Variants in VAV2 observed in about 807,000 individuals in gnomAD.
The protein encoded by VAV2 is guanine nucleotide exchange factor VAV2.
Under a neutral mutation model 132.5 loss-of-function variants are expected in VAV2, and 67 were observed. The ratio of observed to expected loss-of-function variants is 0.51; its 90% CI spans 0.42 to 0.62. VAV2 has a LOEUF of 0.62. Among genes scored for constraint, VAV2 ranks in the 20% least tolerant of loss-of-function variants. The pLI, the probability that VAV2 is intolerant of heterozygous loss-of-function variation, is 0.00. For missense variants in VAV2, 938 were observed against 1,153.6 expected (o/e 0.81, Z 2.71); for synonymous variants, 492 against 443.5 (o/e 1.11, Z -1.37).
At position 133,788,236 on chromosome 9, in the gene VAV2, ACCCGGCCAGCATCAGCGGCTG is replaced by A; in HGVS notation, c.1407+97_1407+117del. ...AGAGCGGAGACGCCCACCCCAACCC[ACCCGGCCAGCATCAGCGGCTG>A]ACTTCGAGTCCCCTTCCCCTGGGGT... is the stretch of plus-strand genomic sequence containing the variant. On this transcript the variant is annotated intron_variant, in intron 15 of 29. Coordinates refer to ENST00000371850, the MANE Select transcript of VAV2 (RefSeq NM_001134398.2). This position sits in a 1 kb window ranked among gnomAD's most constrained non-coding sequence, Gnocchi z 5.3. The A allele has an allele frequency of 2.4e-6, 1 of 422,432 alleles. No homozygotes were observed. The highest frequency in any genetic ancestry group is 4.6e-6 in the Non-Finnish European group (1 of 218,332). 26.2% of individuals were successfully genotyped at this position (422,432 alleles called of 1,614,324 possible).
At chr9:133,882,612 C>A (rs1230934667) in intron 2 of VAV2, among the ~76,000 whole-genome samples, 1 of 152,136 alleles carries the variant, frequency 6.6e-6, no homozygotes, top group African/African-American at 2.4e-5. Flanking sequence ...AGGAGCGTGG[C>A]CCTGCCGACA....
chr9:133,982,579 G>A (rs1842732169), intron 1 of VAV2, among the ~76,000 whole-genome samples: 1 of 152,030 alleles, frequency 6.6e-6, no homozygotes, highest in Admixed American at 6.5e-5. Flanking sequence ...TGGCGGGGCA[G>A]GAGGGCGCGG....
chr9:133,924,920 G>A (rs1012897544), intron 2 of VAV2, among the ~76,000 whole-genome samples: 7 of 152,248 alleles, frequency 4.6e-5, no homozygotes, highest in East Asian at 1.9e-4. Context: ...CTTCCACAGC[G>A]CAGGTGAAAC....
intron 1 of VAV2, among the ~76,000 whole-genome samples, chr9:133,988,078 GA>G (rs1480896553): frequency 6.6e-6 from 1 of 152,240 alleles, no homozygotes; most frequent in East Asian, 1.9e-4. Flanking sequence ...GTCACCATGA[GA>G]AGCCAGGGGA....
rs1292013093 is a variant in VAV2, at chr9:133,834,094, C to G, written c.449+178G>C. Among the ~76,000 whole-genome samples, 2 of 152,226 alleles carry G rather than the reference C, an allele frequency of 1.3e-5. No individual in the cohort carries two copies. Among genetic ancestry groups the G allele is most frequent in the African/African-American group, 4.8e-5 (2 of 41,462 alleles). ...TGAGGTCTCTCAGATGCATGCCTTCCCACTCAGCACGGAAGCCCACACCAT... is the reference window on the plus strand; with the variant it reads ...TGAGGTCTCTCAGATGCATGCCTTCGCACTCAGCACGGAAGCCCACACCAT... On this transcript the variant is annotated intron_variant, in intron 4 of 29. Coordinates refer to ENST00000371850, the MANE Select transcript of VAV2 (RefSeq NM_001134398.2). The surrounding 1 kb of genome is among the most constrained non-coding windows in gnomAD (Gnocchi z 5.9).
chr9:133,894,751 C>A (rs1354471118), intron 2 of VAV2, among the ~76,000 whole-genome samples: 1 of 152,186 alleles, frequency 6.6e-6, no homozygotes, highest in Non-Finnish European at 1.5e-5. Flanking sequence ...GCTCCAGATC[C>A]TGGCGCCCAC....
chr9:133,902,956 TC>T (rs1564451152), intron 2 of VAV2, among the ~76,000 whole-genome samples: 1 of 151,134 alleles, frequency 6.6e-6, no homozygotes, highest in African/African-American at 2.4e-5. Flanking sequence ...ACACCTGTAA[TC>T]CCAGCTACTA....
Position 133,991,469 on chromosome 9 carries a change from G to A in VAV2, c.204+606C>T, listed in dbSNP as rs539732337. Among the ~76,000 whole-genome samples, 2 of 150,658 alleles carry A rather than the reference G, an allele frequency of 1.3e-5. No homozygotes were observed. The highest frequency in any genetic ancestry group is 4.2e-4 in the South Asian group (2 of 4,802). ...CCAAGTGGCCCTGGGGATCCTCGAG[G>A]CGGCTCGACCCGGGAGCCAGGACTG... On this transcript the variant is annotated intron_variant, in intron 1 of 29. Coordinates refer to ENST00000371850, the MANE Select transcript of VAV2 (RefSeq NM_001134398.2). This position sits in a 1 kb window ranked among gnomAD's most constrained non-coding sequence, Gnocchi z 4.8.
chr9:133,777,912 C>T (rs930034104), intron 22 of VAV2, among the ~76,000 whole-genome samples: 31 of 152,148 alleles, frequency 2.0e-4, no homozygotes, highest in Non-Finnish European at 4.4e-5. Context: ...AACAAACATT[C>T]GGCTCTAATG....
intron 1 of VAV2, among the ~76,000 whole-genome samples, chr9:133,964,358 G>A (rs1303045756): frequency 6.6e-6 from 1 of 150,850 alleles, no homozygotes; most frequent in Non-Finnish European, 1.5e-5. Context: ...ACAAATACAT[G>A]TATTTACATT....
chr9:133,824,868 G>A lies in VAV2; in HGVS notation c.449+9404C>T, dbSNP rs896105586. Among the ~76,000 whole-genome samples, 3 of 151,938 alleles carry A rather than the reference G, an allele frequency of 2.0e-5. No homozygotes were observed. Among genetic ancestry groups the A allele is most frequent in the Admixed American group, 6.5e-5 (1 of 15,268 alleles). ...CAGAGCCCCGTCTCCTTCCTGTCCAGCGAGAGGGCTCAGGGCCCGGCCTGC... is the reference window on the plus strand; with the variant it reads ...CAGAGCCCCGTCTCCTTCCTGTCCAACGAGAGGGCTCAGGGCCCGGCCTGC... On this transcript the variant is annotated intron_variant, in intron 4 of 29. Coordinates refer to ENST00000371850, the MANE Select transcript of VAV2 (RefSeq NM_001134398.2). The surrounding 1 kb of genome is among the most constrained non-coding windows in gnomAD (Gnocchi z 5.2).
At chr9:133,876,176 CGT>C (rs1395263989) in intron 2 of VAV2, among the ~76,000 whole-genome samples, 1 of 152,226 alleles carries the variant, frequency 6.6e-6, no homozygotes, top group Non-Finnish European at 1.5e-5. Flanking sequence ...CCCCCAGGAT[CGT>C]GTGAGCCAGT....
intron 1 of VAV2, among the ~76,000 whole-genome samples, chr9:133,968,599 C>T (rs2132248651): frequency 6.6e-6 from 1 of 152,232 alleles, no homozygotes; most frequent in East Asian, 1.9e-4. Context: ...GCTGCCGGTC[C>T]TCTAGAGCCT....
intron 2 of VAV2, among the ~76,000 whole-genome samples, chr9:133,933,685 A>T (rs201699985): frequency 1.4e-5 from 2 of 141,388 alleles, no homozygotes; most frequent in Admixed American, 6.9e-5. Flanking sequence ...GGATAGATGA[A>T]TGATGGATGG....
rs1353214654 is a variant in VAV2 at position 133,764,177 on chromosome 9, T to C, written c.2590-68A>G. 4 of 1,601,410 alleles carry C rather than the reference T, an allele frequency of 2.5e-6. No individual in the cohort carries two copies. In the South Asian group the frequency reaches 4.4e-5, roughly 18 times the overall value. ...GTGTAAGCAGGTGTGTGCATGTCTATGTTGGGGTGAGGGCAAGTAGAGGCT... is the reference window on the plus strand; with the variant it reads ...GTGTAAGCAGGTGTGTGCATGTCTACGTTGGGGTGAGGGCAAGTAGAGGCT... On this transcript the variant is annotated intron_variant, in intron 29 of 29. Transcript: ENST00000371850.
chr9:133,991,404 G>A lies in VAV2; in HGVS notation c.204+671C>T, dbSNP rs1843012050. ...GGCCACACTCAGCGCCCGAAGGAGG[G>A]GTGGGGGTGTTGGGAAAGCGATGGG... On this transcript the variant is annotated intron_variant, in intron 1 of 29. Coordinates refer to ENST00000371850, the MANE Select transcript of VAV2 (RefSeq NM_001134398.2). This position sits in a 1 kb window ranked among gnomAD's most constrained non-coding sequence, Gnocchi z 4.8. Among the ~76,000 whole-genome samples, 1 of 152,244 alleles carries A rather than the reference G, an allele frequency of 6.6e-6. No individual in the cohort carries two copies. Among genetic ancestry groups the A allele is most frequent in the Admixed American group, 6.5e-5 (1 of 15,288 alleles).
At chr9:133,780,476 C>G (rs55795819) in intron 20 of VAV2, among the ~76,000 whole-genome samples, 3,926 of 152,222 alleles carry the variant, frequency 0.026, 73 homozygotes, top group African/African-American at 0.054. Context: ...GGGAATGAGG[C>G]GGGCAGCTGG....
rs1840557746 is a variant in VAV2, at chr9:133,928,416, A to C, written c.321+10687T>G. Reference sequence around the variant, plus strand: ...GGAGCCTGAGGCAGCTCCCCACCCCAGCGAGGAGCGACTGCATTTTAATAA... The same window carrying C: ...GGAGCCTGAGGCAGCTCCCCACCCCCGCGAGGAGCGACTGCATTTTAATAA... On this transcript the variant is annotated intron_variant, in intron 2 of 29. Coordinates refer to ENST00000371850, the MANE Select transcript of VAV2 (RefSeq NM_001134398.2). The surrounding 1 kb of genome is among the most constrained non-coding windows in gnomAD (Gnocchi z 5.4). Among the ~76,000 whole-genome samples the C allele has an allele frequency of 6.6e-6, 1 of 152,206 alleles. No homozygotes were observed. Among genetic ancestry groups the C allele is most frequent in the Non-Finnish European group, 1.5e-5 (1 of 68,038 alleles).
chr9:133,914,037 C>T (rs1356910487), intron 2 of VAV2, among the ~76,000 whole-genome samples: 4 of 152,192 alleles, frequency 2.6e-5, no homozygotes, highest in Non-Finnish European at 4.4e-5. Flanking sequence ...AAACGTAAAC[C>T]AACAAGCAAC....
Sources: allele counts gnomAD v4.1 joint callset (sites outside exome capture counted in the v4.1 genomes callset), GRCh38; gene constraint gnomAD v4.1.1; non-coding constraint Gnocchi (gnomAD v3.1); transcripts MANE v1.5; gene names NCBI Gene and HGNC (gene_info 2026-07-23, HGNC 2026-07-21).